ARHGAP22: variants seen among roughly 807,000 people sequenced by gnomAD.
ARHGAP22 encodes the protein rho GTPase-activating protein 22.
In ARHGAP22, 48 loss-of-function variants were observed where a neutral mutation model predicts 59.1. The observed-to-expected ratio is 0.81, with a 90% confidence interval of 0.64 to 1.03. ARHGAP22 has a LOEUF of 1.03. Ranked by LOEUF, ARHGAP22 falls within the 50% of genes least tolerant of loss-of-function variation. The probability of loss-of-function intolerance (pLI) is 0.00; values close to 1 mark genes in which losing one functional copy is unlikely to be tolerated. For missense variants in ARHGAP22, 1,015 were observed against 958.7 expected (o/e 1.06, Z -0.78); for synonymous variants, 445 against 416.4 (o/e 1.07, Z -0.84).
chr10:48,451,669 C>T (rs2045971680), intron 8 of ARHGAP22: 1 of 542,260 alleles, frequency 1.8e-6, no homozygotes, highest in Non-Finnish European at 3.2e-6. Context: ...CCCTAAAATA[C>T]CCCCCACAAT....
chr10:48,521,313 G>A (rs1722695727), intron 3 of ARHGAP22, among the ~76,000 whole-genome samples: 1 of 152,208 alleles, frequency 6.6e-6, no homozygotes, highest in African/African-American at 2.4e-5. Flanking sequence ...TTTGCAGCCA[G>A]CAGGAGAGCA....
At chr10:48,560,400 T>G (rs1465983169) in intron 2 of ARHGAP22, among the ~76,000 whole-genome samples, 1 of 152,188 alleles carries the variant, frequency 6.6e-6, no homozygotes. Flanking sequence ...CTTCAGTAGA[T>G]TTTTGCAGGC....
At chr10:48,487,044 T>G (rs1210382225) in intron 3 of ARHGAP22, among the ~76,000 whole-genome samples, 1 of 152,214 alleles carries the variant, frequency 6.6e-6, no homozygotes, top group Non-Finnish European at 1.5e-5. Context: ...TATTCAGGTT[T>G]CCTATACTTG....
the ARHGAP22 span, chr10:48,435,226 A>G: frequency 2.2e-6 from 1 of 455,310 alleles, no homozygotes; most frequent in Middle Eastern, 5.5e-4. Context: ...AAACAGCAAC[A>G]AAACTGTATT....
At chr10:48,599,994 G>A (rs1039028800) in intron 1 of ARHGAP22, among the ~76,000 whole-genome samples, 14 of 152,156 alleles carry the variant, frequency 9.2e-5, no homozygotes, top group African/African-American at 3.4e-4. Context: ...TGGGAGGGAG[G>A]CTTCTCAGAT....
In ARHGAP22 at chr10:48,629,219, C is replaced by T. The variant is rs191002798; in HGVS notation, c.52+23015G>A. 1.1e-3 allele frequency among the ~76,000 whole-genome samples: 166 copies of T among 152,272 alleles called. 2 individuals carry two copies. Among genetic ancestry groups the T allele is most frequent in the African/African-American group, 3.8e-3 (159 of 41,548 alleles). On this transcript the variant is annotated intron_variant, in intron 1 of 9. Coordinates refer to the ARHGAP22 transcript ENST00000435790. ...GGGGCATAGAGGCCTGGTCTTCTTG[C>T]CCCAACTTAGGACAGCCTGGAAAGC...
At chr10:48,478,569 T>C (rs1201766043) in intron 4 of ARHGAP22, among the ~76,000 whole-genome samples, 2 of 152,176 alleles carry the variant, frequency 1.3e-5, no homozygotes, top group African/African-American at 4.8e-5. Flanking sequence ...GTCCATAGCT[T>C]GTGTGGTCAG....
chr10:48,628,425 A>T (rs74130593), intron 1 of ARHGAP22, among the ~76,000 whole-genome samples: 3,289 of 152,288 alleles, frequency 0.022, 118 homozygotes, highest in African/African-American at 0.075. Context: ...GTCACTGGCT[A>T]GCAGATGGCT....
the ARHGAP22 span, among the ~76,000 whole-genome samples, chr10:48,431,606 GATAA>G: frequency 6.6e-6 from 1 of 152,000 alleles, no homozygotes; most frequent in Non-Finnish European, 1.5e-5. Flanking sequence ...CTTTACTTTG[GATAA>G]ATAAAAGCTT....
At chr10:48,489,279 T>C (rs1176224967) in intron 3 of ARHGAP22, among the ~76,000 whole-genome samples, 1 of 152,258 alleles carries the variant, frequency 6.6e-6, no homozygotes, top group South Asian at 2.1e-4. Context: ...GGAAGGAGCA[T>C]TGATGACCCC....
In ARHGAP22 at chr10:48,623,724, C is replaced by T. The variant is rs79440662; in HGVS notation, c.52+28510G>A. Reference sequence around the variant, plus strand: ...CTCCTGGTTAAGAGGAGCCCATGTCCGATCTCCAGGGCAGGTCTGGGGTTG... The same window carrying T: ...CTCCTGGTTAAGAGGAGCCCATGTCTGATCTCCAGGGCAGGTCTGGGGTTG... On this transcript the variant is annotated intron_variant, in intron 1 of 9. Coordinates refer to the ARHGAP22 transcript ENST00000435790. Among the ~76,000 whole-genome samples the T allele has an allele frequency of 8.2e-3, 1,255 of 152,256 alleles. 8 individuals carry two copies. Among genetic ancestry groups the T allele is most frequent in the East Asian group, 0.03 (155 of 5,186 alleles).
the ARHGAP22 span, among the ~76,000 whole-genome samples, chr10:48,432,563 GCTATA>G: frequency 1.3e-5 from 2 of 152,084 alleles, no homozygotes; most frequent in African/African-American, 4.8e-5. Flanking sequence ...GCTTTGTATT[GCTATA>G]TAGTAGTAGT....
Position 48,552,360 on chromosome 10 carries a change from G to A in ARHGAP22, c.322+3103C>T, listed in dbSNP as rs915177676. Among the ~76,000 whole-genome samples, 9 of 152,384 alleles carry A rather than the reference G, an allele frequency of 5.9e-5. No homozygotes were observed. The South Asian group carries it at 6.2e-4, about 11-fold the overall frequency. On this transcript the variant is annotated intron_variant, in intron 3 of 9. Coordinates refer to ENST00000249601, the MANE Select transcript of ARHGAP22 (RefSeq NM_021226.4). Reference sequence around the variant, plus strand: ...CCTGGCCTAGGCCCAGACCCCAGGCGGGGCTGTTAGGCTCCTTCCTGCGCC... The same window carrying A: ...CCTGGCCTAGGCCCAGACCCCAGGCAGGGCTGTTAGGCTCCTTCCTGCGCC...
intron 5 of ARHGAP22, among the ~76,000 whole-genome samples, chr10:48,459,134 G>T (rs920464000): frequency 1.4e-5 from 2 of 146,098 alleles, no homozygotes; most frequent in Non-Finnish European, 3.0e-5. Context: ...TAGGCTGGGG[G>T]TATAGTTGGC....
chr10:48,628,763 C>T (rs2061533548), intron 1 of ARHGAP22, among the ~76,000 whole-genome samples: 1 of 152,154 alleles, frequency 6.6e-6, no homozygotes, highest in South Asian at 2.1e-4. Context: ...TTCCCATTCC[C>T]CAGGTGGCCC....
intron 1 of ARHGAP22, among the ~76,000 whole-genome samples, chr10:48,593,371 C>T (rs902336972): frequency 1.4e-4 from 21 of 152,290 alleles, no homozygotes; most frequent in Admixed American, 6.5e-5. Flanking sequence ...TATTCTTAGA[C>T]CCCCAGTGGA....
the ARHGAP22 span, among the ~76,000 whole-genome samples, chr10:48,433,084 T>C: frequency 2.0e-5 from 3 of 152,192 alleles, no homozygotes; most frequent in African/African-American, 4.8e-5. Flanking sequence ...GCCTTGAGTG[T>C]ATAGAGGCTC....
upstream of ARHGAP22, among the ~76,000 whole-genome samples, chr10:48,608,646 C>T (rs1199744181): frequency 5.9e-5 from 9 of 152,286 alleles, no homozygotes; most frequent in African/African-American, 2.2e-4. Context: ...TGCCGCAGCT[C>T]CCTTGCATGT....
chr10:48,458,541 T>C (rs1401006918), intron 5 of ARHGAP22, among the ~76,000 whole-genome samples: 1 of 152,076 alleles, frequency 6.6e-6, no homozygotes, highest in Non-Finnish European at 1.5e-5. Flanking sequence ...AGTAGGGGAG[T>C]GGCAAGGTCT....
Sources: gnomAD v4.1 joint callset for allele counts (sites outside exome capture counted in the v4.1 genomes callset) on GRCh38, gnomAD v4.1.1 for gene constraint, MANE v1.5 for transcripts, NCBI Gene and HGNC (gene_info 2026-07-23, HGNC 2026-07-21) for gene names.